The following ITGB2 variants were observed in gnomAD, a reference collection of about 807,000 sequenced individuals.
ITGB2 encodes the protein integrin beta-2.
A neutral mutation model predicts 86.8 loss-of-function variants in ITGB2; 56 were observed. The observed-to-expected ratio is 0.65, with a 90% confidence interval of 0.52 to 0.81. ITGB2 has a LOEUF of 0.81. ITGB2 is among the 30% of genes least tolerant of loss of function. ITGB2 has a pLI of 0.00. For missense variants in ITGB2, 948 were observed against 1,061.2 expected, an observed-to-expected ratio of 0.89 and a Z score of 1.48; for synonymous variants, 457 against 450.4, an observed-to-expected ratio of 1.01 and a Z score of -0.19.
chr21:44,902,483 G>C (rs2083976388), intron 5 of ITGB2, among the ~76,000 whole-genome samples: 1 of 152,078 alleles, frequency 6.6e-6, no homozygotes, highest in South Asian at 2.1e-4. Context: ...ATTCACATGT[G>C]AGAGCATGCA....
At chr21:44,888,667 T>A in intron 14 of ITGB2, 26 bp downstream of exon 14, 1 of 1,602,220 alleles carries the variant, frequency 6.2e-7, no homozygotes, top group Non-Finnish European at 8.5e-7. Context: ...CTGGAGCCGG[T>A]CCCCGCTGCA....
intron 8 of ITGB2, 124 bp from the exon 9 acceptor site, chr21:44,895,184 T>A (rs1568886466): frequency 4.0e-6 from 3 of 749,370 alleles, no homozygotes; most frequent in Non-Finnish European, 2.4e-6. Context: ...AACGCAGTTT[T>A]GCACTTGGTC....
At position 44,907,398 on chromosome 21, in the gene ITGB2, A is replaced by G. The variant is rs867315908; in HGVS notation, c.148-303T>C. 5.9e-5 allele frequency among the ~76,000 whole-genome samples: 9 copies of G among 152,352 alleles called. No individual in the cohort carries two copies. The Middle Eastern group carries it at 0.01, about 173-fold the overall frequency. ...AGGCTGACCCAAGAGGAGAGGCCTC[A>G]GCGTCCTCTAGCAGCTGGCCCAGGG... On this transcript the variant is annotated intron_variant, in intron 3 of 15. Transcript: ENST00000652462.
chr21:44,912,405 A>T (rs1296280194), intron 1 of ITGB2, among the ~76,000 whole-genome samples: 1 of 152,196 alleles, frequency 6.6e-6, no homozygotes, highest in Non-Finnish European at 1.5e-5. Context: ...CCATCTGAGG[A>T]TCCCACAGCT....
At chr21:44,918,979 C>CAGCACTCGGAGCTGAGCGTCCCCTCTCCT (rs2084252665) in intron 1 of ITGB2, among the ~76,000 whole-genome samples, 1 of 152,176 alleles carries the variant, frequency 6.6e-6, no homozygotes, top group African/African-American at 2.4e-5. Context: ...TCCCCTCTCC[C>CAGCACTCGGAGCTGAGCGTCCCCTCTCCT]AGCACTCGGA....
intron 13 of ITGB2, 44 bp downstream of exon 13, chr21:44,889,232 G>A (rs769647899): frequency 6.3e-7 from 1 of 1,580,426 alleles, no homozygotes; most frequent in Admixed American, 1.7e-5. Flanking sequence ...GGTGGCCGGG[G>A]AGTGGGGATC....
In ITGB2 at chr21:44,886,223, G is replaced by A. The variant is rs1160263; in HGVS notation, c.*145C>T. ...GACGAGCCCCCAGAAGCACCCGGCCGGCCATGGCTGTCATTTTGAGGGCGG... is the reference window on the plus strand; with the variant it reads ...GACGAGCCCCCAGAAGCACCCGGCCAGCCATGGCTGTCATTTTGAGGGCGG... On this transcript the variant is annotated 3_prime_UTR_variant, in exon 16 of 16. Coordinates refer to ENST00000652462, the MANE Select transcript of ITGB2 (RefSeq NM_000211.5). The A allele has an allele frequency of 2.4e-4, 189 of 803,680 alleles. 2 individuals carry two copies. Among genetic ancestry groups the A allele is most frequent in the Middle Eastern group, 1.7e-3 (5 of 2,888 alleles). The allele number at this position is 803,680 out of a possible 1,614,324, so 49.8% of individuals were successfully genotyped here.
At chr21:44,889,235 T>C (rs2083747648) in intron 13 of ITGB2, 41 bp downstream of exon 13, 2 of 1,586,724 alleles carry the variant, frequency 1.3e-6, no homozygotes, top group African/African-American at 2.7e-5. Context: ...GGCCGGGGAG[T>C]GGGGATCCCT....
At chr21:44,913,154 G>A (rs28461884) in intron 1 of ITGB2, among the ~76,000 whole-genome samples, 79,550 of 126,964 alleles carry the variant, frequency 0.63, 25,651 homozygotes, top group South Asian at 0.78. Context: ...GGGTCCAGCC[G>A]GCTTCAGGAC....
At position 44,893,484 on chromosome 21, in the gene ITGB2, A is replaced by G. The variant is rs760654736; in HGVS notation, c.1144T>C (p.Tyr382His). The G allele has an allele frequency of 3.7e-6, 6 of 1,614,016 alleles. No homozygotes were observed. The East Asian group carries it at 1.1e-4, about 30-fold the overall frequency. Residue 382 changes from tyrosine (Y) to histidine (H), a missense_variant, in exon 10 of 16, where the codon TAC (tyrosine) becomes CAC (histidine). Coordinates refer to ENST00000652462, the MANE Select transcript of ITGB2 (RefSeq NM_000211.5). The stretch of plus-strand genomic sequence containing the variant: ...ACTCCATTGCTGCAGAAGGAGTCGT[A>G]GGTGACTTTCAGGGTGTCGGGGAGG... ...NALPDTLKVT[Y>H]DSFCSNGVTH...
chr21:44,927,925 T>C (rs2146583281), intron 1 of ITGB2: 1 of 152,398 alleles, frequency 6.6e-6, no homozygotes, highest in African/African-American at 2.4e-5. Flanking sequence ...GAAATGGAGA[T>C]CTGCCCCGGG....
chr21:44,918,335 C>T (rs907814042), intron 1 of ITGB2, among the ~76,000 whole-genome samples: 5 of 152,244 alleles, frequency 3.3e-5, no homozygotes, highest in Admixed American at 6.5e-5. Flanking sequence ...TCGCCACAGG[C>T]GTCACGCTGC....
intron 4 of ITGB2, among the ~76,000 whole-genome samples, chr21:44,904,671 T>C (rs2084016323): frequency 6.6e-6 from 1 of 150,612 alleles, no homozygotes; most frequent in Non-Finnish European, 1.5e-5. Flanking sequence ...CACACACACA[T>C]GCACTCACGC....
At chr21:44,902,893 C>T (rs1406431774) in intron 5 of ITGB2, among the ~76,000 whole-genome samples, 3 of 152,162 alleles carry the variant, frequency 2.0e-5, no homozygotes, top group African/African-American at 4.8e-5. Context: ...CCACGGCCGG[C>T]GGGGAAGACA....
chr21:44,897,246 A>G (rs1374960634), intron 8 of ITGB2, among the ~76,000 whole-genome samples: 3 of 152,208 alleles, frequency 2.0e-5, no homozygotes, highest in African/African-American at 7.2e-5. Flanking sequence ...CGGGCCTGAC[A>G]ATGGATCCCT....
chr21:44,911,464 C>T (rs1218865911), intron 1 of ITGB2: 3 of 152,828 alleles, frequency 2.0e-5, no homozygotes, highest in African/African-American at 7.2e-5. Context: ...CCCTGTCTCT[C>T]TGTGGCAGAA....
upstream of ITGB2, among the ~76,000 whole-genome samples, chr21:44,924,357 G>A (rs1368275751): frequency 6.6e-6 from 1 of 152,128 alleles, no homozygotes; most frequent in Non-Finnish European, 1.5e-5. Flanking sequence ...TCAAACCTAG[G>A]AGGCAGAGGT....
rs567739751 is a variant in ITGB2 at position 44,891,637 on chromosome 21, T to C, written c.1412+172A>G. ...GCACGGGTGAGGGCTTGCCGAGGGG[T>C]TCTGGGTTCCAATCCCAAATCTCCC... On this transcript the variant is annotated intron_variant, in intron 11 of 15. Coordinates refer to ENST00000652462, the MANE Select transcript of ITGB2 (RefSeq NM_000211.5). 2.8e-3 allele frequency among the ~76,000 whole-genome samples: 421 copies of C among 152,038 alleles called. 4 individuals carry two copies. The highest frequency in any genetic ancestry group is 9.5e-3 in the African/African-American group (393 of 41,478).
At chr21:44,891,702 TG>T in intron 11 of ITGB2, 106 bp downstream of exon 11, 2 of 1,302,400 alleles carry the variant, frequency 1.5e-6, no homozygotes, top group Admixed American at 1.9e-5. Flanking sequence ...GCCTGCTCCG[TG>T]GGGTGGGGGA....
Sources: gnomAD v4.1 joint callset for allele counts (sites outside exome capture counted in the v4.1 genomes callset) on GRCh38, gnomAD v4.1.1 for gene constraint, MANE v1.5 for transcripts, NCBI Gene and HGNC (gene_info 2026-07-23, HGNC 2026-07-21) for gene names.